Variants in PRKCE observed in about 807,000 individuals in gnomAD.
PRKCE encodes protein kinase C epsilon.
Under a neutral mutation model 85.4 loss-of-function variants are expected in PRKCE, and 16 were observed. That is an observed-to-expected ratio of 0.19 (90% CI 0.13 to 0.28). The LOEUF is 0.28. Ranked by LOEUF, PRKCE falls within the 10% of genes least tolerant of loss-of-function variation. The pLI, the probability that PRKCE is intolerant of heterozygous loss-of-function variation, is 1.00. For missense variants in PRKCE, 573 were observed against 975.2 expected, an observed-to-expected ratio of 0.59 and a Z score of 5.49; for synonymous variants, 388 against 371.5, an observed-to-expected ratio of 1.04 and a Z score of -0.51.
intron 2 of PRKCE, among the ~76,000 whole-genome samples, chr2:45,973,566 A>T (rs1305408441): frequency 6.6e-6 from 1 of 152,240 alleles, no homozygotes; most frequent in South Asian, 2.1e-4. Context: ...TCTGACTTAC[A>T]GGAGTTATCC....
intron 14 of PRKCE, among the ~76,000 whole-genome samples, chr2:46,175,917 C>A (rs1290429523): frequency 6.6e-6 from 1 of 151,724 alleles, no homozygotes; most frequent in East Asian, 1.9e-4. Context: ...AGAAAGAGAC[C>A]CACGGCCTTT....
chr2:45,958,741 A>T (rs866064335), intron 2 of PRKCE, among the ~76,000 whole-genome samples: 52 of 122,150 alleles, frequency 4.3e-4, no homozygotes, highest in South Asian at 5.5e-4. Context: ...GATTGTGGTT[A>T]TTGTCTGAAA....
intron 2 of PRKCE, among the ~76,000 whole-genome samples, chr2:45,888,351 T>G (rs141757875): frequency 0.016 from 2,374 of 152,282 alleles, 35 homozygotes; most frequent in Non-Finnish European, 0.026. Context: ...ATGCTAATGT[T>G]TGTTGTGAAT....
chr2:45,793,629 A>G (rs1482574049), intron 1 of PRKCE, among the ~76,000 whole-genome samples: 63 of 152,196 alleles, frequency 4.1e-4, no homozygotes, highest in Admixed American at 4.1e-3. Flanking sequence ...CTGTGTGAGC[A>G]TATGTTGGGC....
chr2:46,133,684 A>T (rs1674684078), intron 11 of PRKCE, among the ~76,000 whole-genome samples: 1 of 151,940 alleles, frequency 6.6e-6, no homozygotes, highest in African/African-American at 2.4e-5. Flanking sequence ...ACCAATCATC[A>T]TTTCGTTCTG....
chr2:46,119,292 G>A (rs1434463116), intron 11 of PRKCE, among the ~76,000 whole-genome samples: 1 of 151,986 alleles, frequency 6.6e-6, no homozygotes, highest in African/African-American at 2.4e-5. Flanking sequence ...AAAAAAAGGG[G>A]GGGTTATTAG....
intron 2 of PRKCE, among the ~76,000 whole-genome samples, chr2:45,948,698 A>G (rs773401794): frequency 1.3e-5 from 2 of 152,184 alleles, no homozygotes; most frequent in East Asian, 3.8e-4. Flanking sequence ...AGTCAGTTCA[A>G]GTCTCCTTGT....
intron 14 of PRKCE, among the ~76,000 whole-genome samples, chr2:46,162,868 A>T (rs988554856): frequency 3.3e-5 from 5 of 152,226 alleles, no homozygotes; most frequent in Non-Finnish European, 5.9e-5. Context: ...AAGTGACCCA[A>T]ATCTGTCCCT....
At chr2:45,700,121 G>C (rs1558570425) in intron 1 of PRKCE, among the ~76,000 whole-genome samples, 1 of 151,804 alleles carries the variant, frequency 6.6e-6, no homozygotes, top group Non-Finnish European at 1.5e-5. Context: ...GGATGAAATG[G>C]GTACCTGAGT....
chr2:45,975,202 G>A (rs1157625807), intron 2 of PRKCE, among the ~76,000 whole-genome samples: 1 of 152,178 alleles, frequency 6.6e-6, no homozygotes, highest in Non-Finnish European at 1.5e-5. Context: ...GTTGTTTCGA[G>A]GGTTCATTGA....
intron 5 of PRKCE, among the ~76,000 whole-genome samples, chr2:45,980,826 C>T (rs894336883): frequency 6.6e-6 from 1 of 152,154 alleles, no homozygotes; most frequent in Admixed American, 6.5e-5. Flanking sequence ...GCAACAACCA[C>T]GGGAATAAAA....
chr2:45,958,121 T>TCA (rs1434828867), intron 2 of PRKCE, among the ~76,000 whole-genome samples: 1 of 142,426 alleles, frequency 7.0e-6, no homozygotes, highest in Non-Finnish European at 1.5e-5. Flanking sequence ...AGAGAGAACC[T>TCA]CAGAATTTAG....
intron 10 of PRKCE, among the ~76,000 whole-genome samples, chr2:46,026,796 G>T (rs912776822): frequency 2.1e-4 from 32 of 152,172 alleles, no homozygotes; most frequent in Non-Finnish European, 4.6e-4. Context: ...GCAAGTCCCA[G>T]AATAGACATG....
chr2:45,677,182 T>TCTTC (rs1676511079), intron 1 of PRKCE: 4 of 152,234 alleles, frequency 2.6e-5, no homozygotes, highest in Admixed American at 2.0e-4. Flanking sequence ...CTGCCATTGA[T>TCTTC]CTTCCTCCCT....
chr2:45,932,419 G>A (rs1362250432), intron 2 of PRKCE, among the ~76,000 whole-genome samples: 1 of 152,114 alleles, frequency 6.6e-6, no homozygotes, highest in African/African-American at 2.4e-5. Flanking sequence ...GGCATTGAGT[G>A]CATACCTAGG....
intron 2 of PRKCE, among the ~76,000 whole-genome samples, chr2:45,953,313 G>A (rs1463160): frequency 0.098 from 14,979 of 152,112 alleles, 1,104 homozygotes; most frequent in Admixed American, 0.25. Context: ...ACCTACCCAC[G>A]GGTCACATAT....
intron 1 of PRKCE, among the ~76,000 whole-genome samples, chr2:45,668,410 G>C (rs1676013392): frequency 6.6e-6 from 1 of 152,120 alleles, no homozygotes; most frequent in Non-Finnish European, 1.5e-5. Flanking sequence ...GGATGATGTG[G>C]TTTGGGACTG....
At chr2:45,955,000 C>G (rs1435489664) in intron 2 of PRKCE, among the ~76,000 whole-genome samples, 1 of 152,028 alleles carries the variant, frequency 6.6e-6, no homozygotes, top group Non-Finnish European at 1.5e-5. Flanking sequence ...AAGAAGCATG[C>G]AAAATAAATC....
intron 11 of PRKCE, among the ~76,000 whole-genome samples, chr2:46,141,841 C>A (rs1675564036): frequency 6.6e-6 from 1 of 152,160 alleles, no homozygotes; most frequent in South Asian, 2.1e-4. Flanking sequence ...TGAGCACTTG[C>A]TACACGCCTG....
Sources: gnomAD v4.1 joint callset for allele counts (sites outside exome capture counted in the v4.1 genomes callset) on GRCh38, gnomAD v4.1.1 for gene constraint, MANE v1.5 for transcripts, NCBI Gene and HGNC (gene_info 2026-07-23, HGNC 2026-07-21) for gene names.